The following FER variants were observed in gnomAD, a reference collection of about 807,000 sequenced individuals.
FER encodes the protein FER tyrosine kinase.
A neutral mutation model predicts 111.0 loss-of-function variants in FER; 63 were observed. The ratio of observed to expected loss-of-function variants is 0.57; its 90% confidence interval spans 0.46 to 0.70. FER has a LOEUF of 0.70. FER is among the 30% of genes least tolerant of loss of function. The probability of loss-of-function intolerance (pLI) is 0.00; values close to 1 mark genes in which losing one functional copy is unlikely to be tolerated. For missense variants in FER, 914 were observed against 954.0 expected, an observed-to-expected ratio of 0.96 and a Z score of 0.55; for synonymous variants, 327 against 313.9, an observed-to-expected ratio of 1.04 and a Z score of -0.44.
At chr5:109,112,135 C>CTGTT (rs759733569) in intron 17 of FER, among the ~76,000 whole-genome samples, 1 of 151,832 alleles carries the variant, frequency 6.6e-6, no homozygotes, top group East Asian at 1.9e-4. Flanking sequence ...CTCACAGTCA[C>CTGTT]TGTTTGTTTG....
rs764493104 is a variant in FER, at chr5:109,187,411, TCTC to T, written c.2327-19_2327-17del. On this transcript the variant is annotated intron_variant, in intron 19 of 19. Transcript: ENST00000281092. Reference sequence around the variant, plus strand: ...GTCTTACCTCCATTCTAAATTCTGTTCTCCTTCTCTTGGGTCTTCAGGATACCG... The same window carrying T: ...GTCTTACCTCCATTCTAAATTCTGTTCTTCTCTTGGGTCTTCAGGATACCG... 1.1e-4 allele frequency: 184 copies of T among 1,608,110 alleles called. No individual in the cohort carries two copies. Among genetic ancestry groups the T allele is most frequent in the Non-Finnish European group, 1.4e-4 (161 of 1,177,524 alleles).
At chr5:109,067,892 A>G (rs1056894364) in intron 16 of FER, among the ~76,000 whole-genome samples, 1 of 152,206 alleles carries the variant, frequency 6.6e-6, no homozygotes, top group Non-Finnish European at 1.5e-5. Context: ...CTGTGCTTCC[A>G]GAAGCCTTTA....
At chr5:108,757,350 C>T (rs937821666) in intron 1 of FER, among the ~76,000 whole-genome samples, 1 of 152,078 alleles carries the variant, frequency 6.6e-6, no homozygotes, top group Admixed American at 6.5e-5. Context: ...ACTATAACTT[C>T]TGTGAAGTTA....
chr5:109,119,527 T>A (rs921933407), intron 17 of FER, among the ~76,000 whole-genome samples: 5 of 152,012 alleles, frequency 3.3e-5, no homozygotes, highest in Non-Finnish European at 7.4e-5. Flanking sequence ...TGTTAGGTCT[T>A]CTTGGTGCAG....
intron 17 of FER, among the ~76,000 whole-genome samples, chr5:109,146,253 A>ATATATATAT (rs1491409370): frequency 1.7e-4 from 7 of 42,130 alleles, no homozygotes; most frequent in African/African-American, 6.4e-4. Context: ...TAATCTATCT[A>ATATATATAT]ATATATATAT....
At chr5:108,846,230 T>C (rs1314364724) in intron 5 of FER, among the ~76,000 whole-genome samples, 2 of 152,182 alleles carry the variant, frequency 1.3e-5, no homozygotes, top group Non-Finnish European at 2.9e-5. Context: ...TTTTTATTTT[T>C]CCTTTTTGGT....
chr5:108,950,343 A>G (rs761791592), intron 11 of FER, among the ~76,000 whole-genome samples: 5 of 152,200 alleles, frequency 3.3e-5, no homozygotes, highest in African/African-American at 1.2e-4. Flanking sequence ...AAATTCTCAA[A>G]TATTGTAGTA....
intron 13 of FER, among the ~76,000 whole-genome samples, chr5:109,015,656 A>G (rs1243818379): frequency 6.6e-6 from 1 of 152,060 alleles, no homozygotes; most frequent in Non-Finnish European, 1.5e-5. Context: ...TCAGCACATC[A>G]TGCCTCGGGG....
At chr5:108,894,896 A>G (rs1334166015) in intron 9 of FER, among the ~76,000 whole-genome samples, 5 of 152,084 alleles carry the variant, frequency 3.3e-5, no homozygotes, top group Non-Finnish European at 7.4e-5. Flanking sequence ...TTACCTCCCA[A>G]CAGGTCCCTC....
At chr5:108,781,417 C>G (rs1754061038) in intron 2 of FER, among the ~76,000 whole-genome samples, 2 of 152,330 alleles carry the variant, frequency 1.3e-5, no homozygotes, top group South Asian at 4.1e-4. Context: ...GTCTTGAACT[C>G]CTGACCTCAG....
At chr5:108,787,069 G>GTGCAGC (rs1398965314) in intron 2 of FER, among the ~76,000 whole-genome samples, 4 of 151,990 alleles carry the variant, frequency 2.6e-5, no homozygotes, top group African/African-American at 9.7e-5. Flanking sequence ...GTGCTCCTGG[G>GTGCAGC]TGCAGCTGCA....
chr5:108,772,459 GAT>G (rs911213062), intron 2 of FER, among the ~76,000 whole-genome samples: 23 of 147,760 alleles, frequency 1.6e-4, no homozygotes, highest in African/African-American at 4.5e-4. Context: ...TTTTTTTCAT[GAT>G]CTGTATTTTC....
chr5:108,770,629 GTC>G (rs148914841), intron 2 of FER, among the ~76,000 whole-genome samples: 6,113 of 152,064 alleles, frequency 0.04, 176 homozygotes, highest in South Asian at 0.11. Context: ...TCCCACCTCA[GTC>G]TCCCAAAGTG....
intron 16 of FER, among the ~76,000 whole-genome samples, chr5:109,060,787 T>TATATATATACATAC (rs571418220): frequency 6.7e-6 from 1 of 149,706 alleles, no homozygotes; most frequent in Non-Finnish European, 1.5e-5. Flanking sequence ...TATATATATA[T>TATATATATACATAC]ACACACCAAA....
rs185710391 is a variant in FER at position 108,756,773 on chromosome 5, A to C, written c.-206+8773A>C. On this transcript the variant is annotated intron_variant, in intron 1 of 19. Coordinates refer to ENST00000281092, the MANE Select transcript of FER (RefSeq NM_005246.4). ...AGGAAGAAGCCAATTTCTTTCTCCT[A>C]CACACACACACATTTTTTGTTTTGT... Among the ~76,000 whole-genome samples, 689 of 151,994 alleles carry C rather than the reference A, an allele frequency of 4.5e-3. 4 individuals are homozygous for C. Among genetic ancestry groups the C allele is most frequent in the African/African-American group, 0.016 (649 of 41,476 alleles).
intron 17 of FER, among the ~76,000 whole-genome samples, chr5:109,123,548 A>G (rs1287112890): frequency 1.3e-5 from 2 of 151,632 alleles, no homozygotes; most frequent in African/African-American, 2.4e-5. Flanking sequence ...TATCTCTTGT[A>G]TGTTTTTAAA....
intron 14 of FER, among the ~76,000 whole-genome samples, chr5:109,038,433 T>C (rs1170733632): frequency 6.6e-6 from 1 of 151,972 alleles, no homozygotes; most frequent in Non-Finnish European, 1.5e-5. Flanking sequence ...ACTTGATGAA[T>C]TGACTATTTT....
chr5:108,994,022 A>G (rs1353416004), intron 13 of FER, among the ~76,000 whole-genome samples: 2 of 152,102 alleles, frequency 1.3e-5, no homozygotes, highest in African/African-American at 4.8e-5. Flanking sequence ...TCTAGATATT[A>G]ATACTTTGTC....
chr5:109,001,376 C>T (rs567722287), intron 13 of FER, among the ~76,000 whole-genome samples: 2 of 152,248 alleles, frequency 1.3e-5, no homozygotes, highest in African/African-American at 4.8e-5. Context: ...GAACCAAAGA[C>T]AAAAACCACA....
Sources: allele counts gnomAD v4.1 joint callset (sites outside exome capture counted in the v4.1 genomes callset), GRCh38; gene constraint gnomAD v4.1.1; transcripts MANE v1.5; gene names NCBI Gene and HGNC (gene_info 2026-07-23, HGNC 2026-07-21).